The following AHCYL2 variants were observed in gnomAD, a reference collection of about 807,000 sequenced individuals.
The protein encoded by AHCYL2 is S-adenosylhomocysteine hydrolase-like protein 2.
Under a neutral mutation model 81.4 loss-of-function variants are expected in AHCYL2, and 28 were observed. The ratio of observed to expected loss-of-function variants is 0.34; its 90% CI spans 0.25 to 0.47. The LOEUF (loss-of-function observed/expected upper bound fraction) is 0.47. Among genes scored for constraint, AHCYL2 ranks in the 20% least tolerant of loss-of-function variants. AHCYL2 has a pLI of 1.00. For missense variants in AHCYL2, 551 were observed against 785.1 expected, an observed-to-expected ratio of 0.70 and a Z score of 3.56; for synonymous variants, 272 against 290.2, an observed-to-expected ratio of 0.94 and a Z score of 0.64.
chr7:129,255,340 A>G (rs1795377005), intron 1 of AHCYL2, among the ~76,000 whole-genome samples: 1 of 152,198 alleles, frequency 6.6e-6, no homozygotes, highest in Non-Finnish European at 1.5e-5. Flanking sequence ...TTAAAAAGTT[A>G]TTATTTTAAC....
chr7:129,397,313 T>C lies in AHCYL2; in HGVS notation c.812T>C (p.Leu271Pro). 1 of 1,614,092 alleles carries C rather than the reference T, an allele frequency of 6.2e-7. No homozygotes were observed. Among genetic ancestry groups the C allele is most frequent in the South Asian group, 1.1e-5 (1 of 91,056 alleles). The change falls in exon 5 of 17, where the codon CTA becomes CCA. Residue 271 changes from leucine to proline, a missense_variant. Physicochemically the swap from Leu to Pro is moderately conservative, Grantham distance 98 (BLOSUM62 -3). This residue lies in a region of AHCYL2 where 316 missense variants were observed against 543.1 expected (regional missense o/e 0.58). Transcript: ENST00000325006. Reference protein sequence around the residue: ...YSTLNEVAAALAESGFPVFAW... With the variant: ...YSTLNEVAAAPAESGFPVFAW... ...ACTCTCAATGAAGTGGCTGCTGCTC[T>C]AGCAGAAAGTGGTAAGAGCTTATTC...
intron 1 of AHCYL2, among the ~76,000 whole-genome samples, chr7:129,353,581 T>A (rs1251528797): frequency 2.7e-5 from 4 of 150,708 alleles, no homozygotes; most frequent in Admixed American, 6.7e-5. Flanking sequence ...TTTATCCGTC[T>A]CCCTTATTAG....
At chr7:129,313,111 C>T (rs904115841) in intron 1 of AHCYL2, among the ~76,000 whole-genome samples, 2 of 152,164 alleles carry the variant, frequency 1.3e-5, no homozygotes, top group Non-Finnish European at 2.9e-5. Flanking sequence ...CTGCTACAAC[C>T]ACCCAAAACA....
chr7:129,231,502 G>A (rs1270843367), intron 1 of AHCYL2, among the ~76,000 whole-genome samples: 1 of 152,200 alleles, frequency 6.6e-6, no homozygotes, highest in African/African-American at 2.4e-5. Context: ...TAAAGAATAT[G>A]CAGTTTGTTT....
chr7:129,290,685 C>T (rs1348789347), intron 1 of AHCYL2, among the ~76,000 whole-genome samples: 1 of 151,700 alleles, frequency 6.6e-6, no homozygotes, highest in Non-Finnish European at 1.5e-5. Context: ...AATCCCAGCA[C>T]TTTGGGAGGC....
intron 1 of AHCYL2, among the ~76,000 whole-genome samples, chr7:129,330,770 T>G (rs577241843): frequency 2.0e-5 from 3 of 152,332 alleles, no homozygotes; most frequent in Admixed American, 6.5e-5. Context: ...CTCTGGTACA[T>G]TTTTTAAAAA....
At chr7:129,257,673 G>T (rs1212729034) in intron 1 of AHCYL2, among the ~76,000 whole-genome samples, 2 of 152,110 alleles carry the variant, frequency 1.3e-5, no homozygotes, top group Admixed American at 1.3e-4. Flanking sequence ...GGTTCATAAG[G>T]GGTCATTCAT....
intron 1 of AHCYL2, among the ~76,000 whole-genome samples, chr7:129,308,179 T>C (rs986878781): frequency 6.6e-5 from 10 of 152,084 alleles, no homozygotes; most frequent in African/African-American, 1.9e-4. Flanking sequence ...GGAGTTGTAG[T>C]CCTAGTGGCC....
intron 1 of AHCYL2, among the ~76,000 whole-genome samples, chr7:129,336,788 C>T (rs963122308): frequency 2.6e-5 from 4 of 152,054 alleles, no homozygotes; most frequent in African/African-American, 9.7e-5. Context: ...TCACTGTCAC[C>T]CAGGCTGGAG....
intron 12 of AHCYL2, among the ~76,000 whole-genome samples, chr7:129,414,567 C>T (rs914392369): frequency 2.6e-5 from 4 of 152,014 alleles, no homozygotes; most frequent in Admixed American, 6.6e-5. Context: ...ACTACAGGTG[C>T]TCGCTACCAT....
intron 1 of AHCYL2, among the ~76,000 whole-genome samples, chr7:129,251,139 T>C (rs975285818): frequency 1.3e-5 from 2 of 152,184 alleles, no homozygotes; most frequent in Non-Finnish European, 2.9e-5. Context: ...TCTATTCCCA[T>C]AAGATCCACA....
intron 1 of AHCYL2, among the ~76,000 whole-genome samples, chr7:129,287,785 C>T (rs561449670): frequency 4.6e-5 from 7 of 152,294 alleles, no homozygotes; most frequent in East Asian, 3.9e-4. Flanking sequence ...CTTCTCCCCA[C>T]GTCATTTTGA....
rs1297352415 is a variant in AHCYL2 at position 129,250,243 on chromosome 7, A to G, written c.363+24804A>G. Among the ~76,000 whole-genome samples, 3 of 152,252 alleles carry G rather than the reference A, an allele frequency of 2.0e-5. No individual in the cohort carries two copies. In the East Asian group the frequency reaches 5.8e-4, roughly 29 times the overall value. Reference sequence around the variant, plus strand: ...AGCTATTATTGCACCACTGCACTCCAGCTGGGATGACAGAGTGAGACCCTG... The same window carrying G: ...AGCTATTATTGCACCACTGCACTCCGGCTGGGATGACAGAGTGAGACCCTG... On this transcript the variant is annotated intron_variant, in intron 1 of 16. Transcript: ENST00000325006.
intron 1 of AHCYL2, among the ~76,000 whole-genome samples, chr7:129,316,090 A>G (rs892916161): frequency 2.0e-5 from 3 of 152,228 alleles, no homozygotes; most frequent in African/African-American, 4.8e-5. Context: ...AGCCAGTGCT[A>G]TTCTGGGCAG....
intron 1 of AHCYL2, among the ~76,000 whole-genome samples, chr7:129,238,821 C>G (rs973619433): frequency 2.0e-5 from 3 of 152,080 alleles, no homozygotes; most frequent in African/African-American, 7.2e-5. Context: ...CGTGGTGGGG[C>G]GGGTGCCTGT....
intron 1 of AHCYL2, among the ~76,000 whole-genome samples, chr7:129,378,590 A>G (rs939211939): frequency 6.6e-6 from 1 of 152,230 alleles, no homozygotes; most frequent in African/African-American, 2.4e-5. Flanking sequence ...TACACAGCTA[A>G]TGAGTGGCAT....
intron 12 of AHCYL2, 43 bp from the exon 13 acceptor site, chr7:129,422,797 G>C (rs1797175620): frequency 1.9e-6 from 3 of 1,572,290 alleles, no homozygotes; most frequent in Admixed American, 1.7e-5. Flanking sequence ...TCCCACAGTG[G>C]GGCTTGCTAT....
intron 1 of AHCYL2, among the ~76,000 whole-genome samples, chr7:129,333,369 C>T (rs1311199901): frequency 6.6e-6 from 1 of 151,236 alleles, no homozygotes; most frequent in East Asian, 1.9e-4. Flanking sequence ...TGAATGTGCC[C>T]TAGAGGCACT....
intron 1 of AHCYL2, among the ~76,000 whole-genome samples, chr7:129,279,950 G>A (rs1796371149): frequency 1.3e-5 from 2 of 152,222 alleles, no homozygotes; most frequent in South Asian, 4.1e-4. Flanking sequence ...TTTATCAGTG[G>A]TGTCTTAGTT....
Sources: gnomAD v4.1 joint callset for allele counts (sites outside exome capture counted in the v4.1 genomes callset) on GRCh38, gnomAD v4.1.1 for gene constraint, gnomAD v4.1.1 regional missense constraint, MANE v1.5 for transcripts, NCBI Gene and HGNC (gene_info 2026-07-23, HGNC 2026-07-21) for gene names.